The following FAT3 variants were observed in gnomAD, a reference collection of about 807,000 sequenced individuals.
The protein encoded by FAT3 is protocadherin Fat 3.
Under a neutral mutation model 310.2 loss-of-function variants are expected in FAT3, and 95 were observed. The observed-to-expected ratio is 0.31, with a 90% CI of 0.26 to 0.36. The LOEUF (loss-of-function observed/expected upper bound fraction) is 0.36. Ranked by LOEUF, FAT3 falls within the 10% of genes least tolerant of loss-of-function variation. The pLI, the probability that FAT3 is intolerant of heterozygous loss-of-function variation, is 1.00. For synonymous variants in FAT3, 2,314 were observed against 2,192.9 expected (o/e 1.06, Z -1.54); for missense variants, 5,408 against 5,715.6 (o/e 0.95, Z 1.74).
chr11:92,430,136 T>A (rs1310539803), intron 2 of FAT3, among the ~76,000 whole-genome samples: 1 of 152,238 alleles, frequency 6.6e-6, no homozygotes, highest in Non-Finnish European at 1.5e-5. Flanking sequence ...TGATCTTCAA[T>A]CTCTGATATT....
chr11:92,851,251 G>A (rs924375408), intron 19 of FAT3, among the ~76,000 whole-genome samples: 1 of 152,146 alleles, frequency 6.6e-6, no homozygotes, highest in East Asian at 1.9e-4. Flanking sequence ...CTGAGTTCAG[G>A]TCTCTGCCAT....
chr11:92,332,670 A>G (rs1234590223), intron 1 of FAT3, among the ~76,000 whole-genome samples: 1 of 152,128 alleles, frequency 6.6e-6, no homozygotes, highest in Non-Finnish European at 1.5e-5. Flanking sequence ...TTTACCATCC[A>G]TAAAATGGAG....
intron 26 of FAT3, 93 bp from the exon 27 acceptor site, chr11:92,889,763 G>T: frequency 1.4e-6 from 1 of 708,702 alleles, no homozygotes. Flanking sequence ...GCCTTTAGGA[G>T]TATGTTTTTA....
At chr11:92,828,986 C>T (rs879879653) in intron 13 of FAT3, among the ~76,000 whole-genome samples, 2 of 152,190 alleles carry the variant, frequency 1.3e-5, no homozygotes, top group African/African-American at 4.8e-5. Flanking sequence ...AGAGCGGCAG[C>T]GTGCAAATCC....
At chr11:92,859,390 G>T (rs1949066143) in intron 21 of FAT3, 68 bp downstream of exon 21, 4 of 1,386,402 alleles carry the variant, frequency 2.9e-6, no homozygotes, top group Non-Finnish European at 3.8e-6. Context: ...TTGGATTGGG[G>T]AACGGCTGAA....
At chr11:92,336,302 G>T (rs1948077979) in intron 1 of FAT3, 7 of 474,194 alleles carry the variant, frequency 1.5e-5, no homozygotes, top group Non-Finnish European at 2.5e-5. Flanking sequence ...TCTCATAGAA[G>T]TTTTTGTCCT....
intron 3 of FAT3, among the ~76,000 whole-genome samples, chr11:92,674,969 G>A (rs1943244323): frequency 6.6e-6 from 1 of 152,120 alleles, no homozygotes; most frequent in Non-Finnish European, 1.5e-5. Context: ...AGAACTGCTA[G>A]GTTTTATTCC....
At chr11:92,226,084 C>T (rs772341806) in intron 1 of FAT3, among the ~76,000 whole-genome samples, 11 of 152,122 alleles carry the variant, frequency 7.2e-5, no homozygotes, top group Non-Finnish European at 1.0e-4. Flanking sequence ...CTCTACAGGC[C>T]AGTGTGTGTG....
chr11:92,600,603 A>T (rs1939968558), intron 3 of FAT3, among the ~76,000 whole-genome samples: 1 of 152,224 alleles, frequency 6.6e-6, no homozygotes, highest in African/African-American at 2.4e-5. Flanking sequence ...TTGAGTGTCT[A>T]CTATTTGCCA....
chr11:92,563,230 C>T (rs602376), intron 3 of FAT3, among the ~76,000 whole-genome samples: 82,364 of 151,904 alleles, frequency 0.54, 22,991 homozygotes, highest in East Asian at 0.78. Flanking sequence ...ATTATCTGAA[C>T]ATAAAAATAA....
chr11:92,291,126 C>CACACGT (rs1565205041), intron 1 of FAT3, among the ~76,000 whole-genome samples: 23 of 150,416 alleles, frequency 1.5e-4, no homozygotes, highest in African/African-American at 5.2e-4. Context: ...CATGCACGCG[C>CACACGT]GCAGAAGTAG....
In FAT3 at chr11:92,547,941, C is replaced by T. The variant is rs1325560828; in HGVS notation, c.3607+22993C>T. 2.0e-5 allele frequency among the ~76,000 whole-genome samples: 3 copies of T among 152,116 alleles called. No homozygotes were observed. In the East Asian group the frequency reaches 5.8e-4, roughly 29 times the overall value. On this transcript the variant is annotated intron_variant, in intron 3 of 27. Coordinates refer to ENST00000525166, the MANE Select transcript of FAT3 (RefSeq NM_001367949.2). ...GCACATCTCCTTGGCTTCTTGGGCT[C>T]CTGGCCCTGTGTGGAGAGGCATGGT...
rs563986120 is a variant in FAT3 at position 92,668,108 on chromosome 11, G to C, written c.3608-29276G>C. Reference sequence around the variant, plus strand: ...TTTTGTCTCCTCTGGTTTGGGAGCAGAGCGTGTCTTTATGACTGGAAGGCA... The same window carrying C: ...TTTTGTCTCCTCTGGTTTGGGAGCACAGCGTGTCTTTATGACTGGAAGGCA... On this transcript the variant is annotated intron_variant, in intron 3 of 27. Transcript: ENST00000525166. 9.2e-5 allele frequency among the ~76,000 whole-genome samples: 14 copies of C among 152,312 alleles called. No homozygotes were observed. The East Asian group carries it at 2.5e-3, about 27-fold the overall frequency.
At chr11:92,668,270 C>T (rs992155558) in intron 3 of FAT3, among the ~76,000 whole-genome samples, 9 of 152,202 alleles carry the variant, frequency 5.9e-5, no homozygotes, top group African/African-American at 2.2e-4. Context: ...AATTCTGTTA[C>T]AGCAGTAAGG....
chr11:92,487,221 T>C (rs1210677439), intron 2 of FAT3, among the ~76,000 whole-genome samples: 1 of 152,150 alleles, frequency 6.6e-6, no homozygotes, highest in Non-Finnish European at 1.5e-5. Context: ...GGGTAATCCA[T>C]GCCTTCCAAG....
intron 13 of FAT3, among the ~76,000 whole-genome samples, chr11:92,815,531 C>G (rs565515796): frequency 5.9e-5 from 9 of 151,936 alleles, no homozygotes; most frequent in Non-Finnish European, 1.3e-4. Context: ...AGAGATCACG[C>G]CACCGCACTC....
At chr11:92,367,890 A>G (rs115848429) in intron 2 of FAT3, among the ~76,000 whole-genome samples, 1,988 of 152,342 alleles carry the variant, frequency 0.013, 36 homozygotes, top group African/African-American at 0.045. Flanking sequence ...AGGAATGCCT[A>G]ATCCCAGAAA....
At position 92,352,323 on chromosome 11, in the gene FAT3, A is replaced by C. The variant is rs772295182; in HGVS notation, c.211A>C (p.Thr71Pro). 1 of 1,553,346 alleles carries C rather than the reference A, an allele frequency of 6.4e-7. No homozygotes were observed. Among genetic ancestry groups the C allele is most frequent in the Non-Finnish European group, 8.8e-7 (1 of 1,142,186 alleles). Residue 71 changes from threonine (T) to proline (P), a missense_variant, in exon 2 of 28, where the codon ACC becomes CCC. Physicochemically the swap from Thr to Pro is conservative, Grantham distance 38. Transcript: ENST00000525166. ...CAACAGCCAGAGTAGAATGGGCATC[A>C]CCTTAATAGATCTATCCTGGGATAT... ...YVNSQSRMGITLIDLSWDIKY... is the reference protein window; with the variant it reads ...YVNSQSRMGIPLIDLSWDIKY...
Position 92,799,299 on chromosome 11 carries a change from G to A in FAT3, c.6286G>A (p.Asp2096Asn), listed in dbSNP as rs1250828006. The change falls in exon 10 of 28, where the codon GAT (aspartate) becomes AAT (asparagine). Residue 2096 changes from aspartate (D) to asparagine (N), a missense_variant. This residue lies in a region of FAT3 where 4,588 missense variants were observed against 4,809.8 expected (regional missense o/e 0.95). Transcript: ENST00000525166. ...CCCATACTATGCTGCTGTTCAAGTGGATGCGGAACCCGGGACTCTGATTTA... is the reference window on the plus strand; with the variant it reads ...CCCATACTATGCTGCTGTTCAAGTGAATGCGGAACCCGGGACTCTGATTTA... ...GLPYYAAVQV[D>N]AEPGTLIYQV... The A allele has an allele frequency of 6.2e-7, 1 of 1,613,918 alleles. No individual in the cohort carries two copies. Among genetic ancestry groups the A allele is most frequent in the Admixed American group, 1.7e-5 (1 of 60,016 alleles).
Sources: allele counts gnomAD v4.1 joint callset (sites outside exome capture counted in the v4.1 genomes callset), GRCh38; gene constraint gnomAD v4.1.1; regional missense constraint gnomAD v4.1.1; transcripts MANE v1.5; gene names NCBI Gene and HGNC (gene_info 2026-07-23, HGNC 2026-07-21).